Variants in CAD observed in about 807,000 individuals in gnomAD.
CAD encodes the protein multifunctional protein CAD.
Under a neutral mutation model 237.2 loss-of-function variants are expected in CAD, and 81 were observed. The ratio of observed to expected loss-of-function variants is 0.34; its 90% CI spans 0.29 to 0.41. The LOEUF (loss-of-function observed/expected upper bound fraction) is 0.41, where lower values mean the gene tolerates loss of function less well. Among genes scored for constraint, CAD ranks in the 10% least tolerant of loss-of-function variants. CAD has a pLI of 1.00. For missense variants in CAD, 2,181 were observed against 2,951.7 expected, an observed-to-expected ratio of 0.74 and a Z score of 6.05; for synonymous variants, 1,196 against 1,162.8, an observed-to-expected ratio of 1.03 and a Z score of -0.58.
Position 27,238,454 on chromosome 2 carries a change from G to A in CAD, c.4884G>A (p.Lys1628=), listed in dbSNP as rs771895327. ...AGATCCTGCTAATTAAAGCTGCAAA[G>A]GCACGGGGCTTGCCAGTGACCTGCG... ...KEEILLIKAA[K]ARGLPVTCEV... The change falls in exon 31 of 44, where the codon AAG becomes AAA. Residue 1628 remains lysine, a synonymous_variant. Transcript: ENST00000264705. The A allele has an allele frequency of 3.8e-6, 6 of 1,591,096 alleles. No homozygotes were observed. In the South Asian group the frequency reaches 6.8e-5, roughly 18 times the overall value.
chr2:27,240,992 C>T lies in CAD; in HGVS notation c.5638+37C>T. On this transcript the variant is annotated intron_variant, in intron 36 of 43. Transcript: ENST00000264705. The surrounding 1 kb of genome is among the most constrained non-coding windows in gnomAD (Gnocchi z 4.6). The stretch of plus-strand genomic sequence containing the variant: ...CCCTGACACACACTCACCTCGGGGA[C>T]CTCTGATCTGGCCTTGGTAGGAGGA... 3.7e-6 allele frequency: 6 copies of T among 1,614,054 alleles called. No homozygotes were observed. Among genetic ancestry groups the T allele is most frequent in the Non-Finnish European group, 5.1e-6 (6 of 1,179,962 alleles).
Position 27,224,037 on chromosome 2 carries a change from C to T in CAD, c.1108+8C>T. 1 of 1,586,168 alleles carries T rather than the reference C, an allele frequency of 6.3e-7. No homozygotes were observed. The highest frequency in any genetic ancestry group is 8.7e-7 in the Non-Finnish European group (1 of 1,154,454). Reference sequence around the variant, plus strand: ...ACCCTGGGGGCCAGACAGGTAAGATCCTGAGTAGAACTGGGTTGTGGACCT... The same window carrying T: ...ACCCTGGGGGCCAGACAGGTAAGATTCTGAGTAGAACTGGGTTGTGGACCT... On this transcript the variant is annotated splice_region_variant and intron_variant, in intron 8 of 43. Transcript: ENST00000264705.
At position 27,225,348 on chromosome 2, in the gene CAD, G is replaced by A. The variant is rs1312639943; in HGVS notation, c.1620+105G>A. ...TGAGACGGAGTTTCGCTCTTGTTGC[G>A]CAGGCTGGAGTACAGTGGCGTGATC... On this transcript the variant is annotated intron_variant, in intron 11 of 43. Transcript: ENST00000264705. 1.4e-4 allele frequency: 94 copies of A among 669,458 alleles called. No individual in the cohort carries two copies. The Middle Eastern group carries it at 1.6e-3, about 12-fold the overall frequency. The allele number at this position is 669,458 out of a possible 1,614,324, so 41.5% of individuals were successfully genotyped here. A position where few individuals can be genotyped will look rare whatever the true frequency, so the allele number is the denominator to read the frequency against.
Position 27,223,872 on chromosome 2 carries a change from A to G in CAD, c.996-45A>G, listed in dbSNP as rs765670417. On this transcript the variant is annotated intron_variant, in intron 7 of 43. Coordinates refer to ENST00000264705, the MANE Select transcript of CAD (RefSeq NM_004341.5). ...TACCCACCTCGAGGCTGCCAGTGTC[A>G]TGCCAGGGACCATGATGGTTTTCAT... The G allele has an allele frequency of 1.9e-6, 3 of 1,563,570 alleles. No individual in the cohort carries two copies. The Admixed American group carries it at 5.0e-5, about 26-fold the overall frequency.
chr2:27,231,197 G>A (rs1354067836), intron 15 of CAD, among the ~76,000 whole-genome samples: 2 of 152,108 alleles, frequency 1.3e-5, no homozygotes, highest in Non-Finnish European at 2.9e-5. Context: ...TAGTAGAGAC[G>A]GGGTTTCACC....
At chr2:27,217,751 G>C (rs1053161898) in intron 1 of CAD, 118 bp downstream of exon 1, 2 of 1,426,984 alleles carry the variant, frequency 1.4e-6, no homozygotes, top group Admixed American at 2.1e-5. Flanking sequence ...CCCCCATTCG[G>C]TGCCCATGGG....
At position 27,234,598 on chromosome 2, in the gene CAD, C is replaced by T. The variant is rs1572442583; in HGVS notation, c.3699C>T (p.Asp1233=). The T allele has an allele frequency of 1.2e-6, 2 of 1,614,012 alleles. No individual in the cohort carries two copies. Among genetic ancestry groups the T allele is most frequent in the East Asian group, 4.5e-5 (2 of 44,886 alleles). ...FPFVSKTLGV[D]LVALATRVIM... ...TCGTTTCCAAGACACTGGGTGTGGACCTAGTAGCCTTGGCCACGCGGGTCA... is the reference window on the plus strand; with the variant it reads ...TCGTTTCCAAGACACTGGGTGTGGATCTAGTAGCCTTGGCCACGCGGGTCA... The change falls in exon 23 of 44, where the codon GAC becomes GAT. Residue 1233 remains aspartate (D), a synonymous_variant. Coordinates refer to ENST00000264705, the MANE Select transcript of CAD (RefSeq NM_004341.5).
intron 16 of CAD, 30 bp downstream of exon 16, chr2:27,231,610 C>G (rs774005479): frequency 3.5e-5 from 47 of 1,340,350 alleles, no homozygotes; most frequent in Non-Finnish European, 4.5e-5. Context: ...TGGCAATACC[C>G]CTAAAATAGA....
rs1675436375 is a variant in CAD, at chr2:27,226,123, C to T, written c.1843-8C>T. 6.2e-7 allele frequency: 1 copy of T among 1,613,352 alleles called. No individual in the cohort carries two copies. Among genetic ancestry groups the T allele is most frequent in the Middle Eastern group, 1.7e-4 (1 of 6,016 alleles). ...TGGCAGTGACCTCCATGGCACCCCC[C>T]TTCACAGGTGTGTAACATGGAGAAC... On this transcript the variant is annotated splice_region_variant and splice_polypyrimidine_tract_variant and intron_variant, in intron 12 of 43. Coordinates refer to ENST00000264705, the MANE Select transcript of CAD (RefSeq NM_004341.5).
rs188063431 is a variant in CAD, at chr2:27,222,698, A to C, written c.637+38A>C. On this transcript the variant is annotated intron_variant, in intron 5 of 43. Transcript: ENST00000264705. ...GGCCTGTTCAGGGCCTCAGACAAGC[A>C]GCTTGGGTGGAAGATCTATCCCTTG... is the stretch of plus-strand genomic sequence containing the variant. 1.9e-6 allele frequency: 3 copies of C among 1,601,834 alleles called. No individual in the cohort carries two copies. In the African/African-American group the frequency reaches 4.0e-5, roughly 21 times the overall value.
chr2:27,218,463 T>G (rs1403125907), intron 2 of CAD, among the ~76,000 whole-genome samples: 4 of 152,052 alleles, frequency 2.6e-5, no homozygotes, highest in Non-Finnish European at 5.9e-5. Flanking sequence ...CATTGAAGGT[T>G]TTTTTTTAGC....
chr2:27,242,343 G>C lies in CAD; in HGVS notation c.6138G>C (p.Gly2046=). Residue 2046 remains glycine, a synonymous_variant, in exon 40 of 44, where the codon GGG becomes GGC. Transcript: ENST00000264705. The surrounding 1 kb of genome is among the most constrained non-coding windows in gnomAD (Gnocchi z 6.4). The part of the protein sequence containing the change: ...KHCRRPVINA[G]DGVGEHPTQA... Reference sequence around the variant, plus strand: ...GCCGGAGGCCAGTGATCAATGCTGGGGATGGGGTCGGAGAGCACCCCACCC... The same window carrying C: ...GCCGGAGGCCAGTGATCAATGCTGGCGATGGGGTCGGAGAGCACCCCACCC... The C allele has an allele frequency of 6.2e-7, 1 of 1,614,042 alleles. No homozygotes were observed. The highest frequency in any genetic ancestry group is 8.5e-7 in the Non-Finnish European group (1 of 1,179,942).
chr2:27,218,739 C>A (rs1021437724), intron 2 of CAD, among the ~76,000 whole-genome samples: 2 of 151,900 alleles, frequency 1.3e-5, no homozygotes, highest in African/African-American at 4.8e-5. Context: ...ACTAAGTTGC[C>A]CTCTGACAGT....
At position 27,217,496 on chromosome 2, in the gene CAD, A is replaced by G. The variant is rs1674919872; in HGVS notation, c.-56A>G. 2.8e-6 allele frequency: 4 copies of G among 1,412,610 alleles called. No individual in the cohort carries two copies. Among genetic ancestry groups the G allele is most frequent in the Admixed American group, 3.8e-5 (2 of 53,096 alleles). 87.5% of individuals were successfully genotyped at this position (1,412,610 alleles called of 1,614,324 possible). Reference sequence around the variant, plus strand: ...CGCCGTCCTCACGTGGTTCCAGTGGAGTTTGCAGTCCTTCCCGCTTCTCCG... The same window carrying G: ...CGCCGTCCTCACGTGGTTCCAGTGGGGTTTGCAGTCCTTCCCGCTTCTCCG... On this transcript the variant is annotated 5_prime_UTR_variant, in exon 1 of 44. Transcript: ENST00000264705.
In CAD at chr2:27,232,160, G is replaced by C. The variant is rs1675792681; in HGVS notation, c.2581G>C (p.Asp861His). Reference protein sequence around the residue: ...EQHRGQPLPPDLLQQAKCLGF... With the variant: ...EQHRGQPLPPHLLQQAKCLGF... Reference sequence around the variant, plus strand: ...ACACCGTGGACAGCCTTTGCCGCCAGACCTGCTGCAACAGGCCAAGTGTCT... The same window carrying C: ...ACACCGTGGACAGCCTTTGCCGCCACACCTGCTGCAACAGGCCAAGTGTCT... The change falls in exon 17 of 44, where the codon GAC becomes CAC. Residue 861 changes from aspartate (D) to histidine (H), a missense_variant. Physicochemically the swap from Asp to His is moderately conservative, Grantham distance 81 (BLOSUM62 -1). Transcript: ENST00000264705. The surrounding 1 kb of genome is among the most constrained non-coding windows in gnomAD (Gnocchi z 4.1). The C allele has an allele frequency of 6.2e-7, 1 of 1,614,138 alleles. No individual in the cohort carries two copies. The highest frequency in any genetic ancestry group is 1.3e-5 in the African/African-American group (1 of 74,942).
Position 27,236,897 on chromosome 2 carries a change from G to A in CAD, c.4396+67G>A, listed in dbSNP as rs992442626. ...CCCTGGCATAGAGACCTGCAGTGTGGTGAAGGATGGCTGGGGGGCCCACTC... is the reference window on the plus strand; with the variant it reads ...CCCTGGCATAGAGACCTGCAGTGTGATGAAGGATGGCTGGGGGGCCCACTC... On this transcript the variant is annotated intron_variant, in intron 27 of 43. Transcript: ENST00000264705. This position sits in a 1 kb window ranked among gnomAD's most constrained non-coding sequence, Gnocchi z 4.1. 4.6e-6 allele frequency: 6 copies of A among 1,315,902 alleles called. No individual in the cohort carries two copies. Among genetic ancestry groups the A allele is most frequent in the African/African-American group, 4.3e-5 (3 of 69,028 alleles). 81.5% of individuals were successfully genotyped at this position (1,315,902 alleles called of 1,614,324 possible). A position where few individuals can be genotyped will look rare whatever the true frequency, so the allele number is the denominator to read the frequency against.
chr2:27,224,899 A>G, intron 10 of CAD, 23 bp downstream of exon 10: 1 of 1,614,152 alleles, frequency 6.2e-7, no homozygotes, highest in Non-Finnish European at 8.5e-7. Context: ...CAAGGCTGGA[A>G]TGAAAAGAGG....
chr2:27,232,238 A>G lies in CAD; in HGVS notation c.2645+14A>G, dbSNP rs772120030. 1.1e-5 allele frequency: 18 copies of G among 1,612,754 alleles called. No homozygotes were observed. The highest frequency in any genetic ancestry group is 6.7e-5 in the Admixed American group (4 of 59,998). ...TGCAGTTCTGAGGTCAGAGGTGGCA[A>G]TGAGAGCTTCCGGCTGGGAAATGTG... On this transcript the variant is annotated intron_variant, in intron 17 of 43. Transcript: ENST00000264705. The surrounding 1 kb of genome is among the most constrained non-coding windows in gnomAD (Gnocchi z 4.1).
rs2148092198 is a variant in CAD, at chr2:27,239,571, C to T, written c.5394+100C>T. The T allele has an allele frequency of 6.5e-7, 1 of 1,530,872 alleles. No individual in the cohort carries two copies. The allele number at this position is 1,530,872 out of a possible 1,614,324, so 94.8% of individuals were successfully genotyped here. On this transcript the variant is annotated intron_variant, in intron 33 of 43. Transcript: ENST00000264705. The surrounding 1 kb of genome is among the most constrained non-coding windows in gnomAD (Gnocchi z 4.0). Reference sequence around the variant, plus strand: ...ATCTACACTGTCCCACTATGTGCACCACTGCCCTGGACCAGGGGTTGGGGG... The same window carrying T: ...ATCTACACTGTCCCACTATGTGCACTACTGCCCTGGACCAGGGGTTGGGGG...
Sources: allele counts gnomAD v4.1 joint callset (sites outside exome capture counted in the v4.1 genomes callset), GRCh38; gene constraint gnomAD v4.1.1; non-coding constraint Gnocchi (gnomAD v3.1); transcripts MANE v1.5; gene names NCBI Gene and HGNC (gene_info 2026-07-23, HGNC 2026-07-21).